The following EPHA5 variants were observed in gnomAD, a reference collection of about 807,000 sequenced individuals.
EPHA5 encodes EPH receptor A5.
Under a neutral mutation model 105.0 loss-of-function variants are expected in EPHA5, and 60 were observed. The ratio of observed to expected loss-of-function variants is 0.57; its 90% CI spans 0.46 to 0.71. EPHA5 has a LOEUF of 0.71. EPHA5 is among the 30% of genes least tolerant of loss of function. The probability of loss-of-function intolerance (pLI) is 0.00; values close to 1 mark genes in which losing one functional copy is unlikely to be tolerated. For missense variants in EPHA5, 1,218 were observed against 1,274.7 expected, an observed-to-expected ratio of 0.96 and a Z score of 0.68; for synonymous variants, 513 against 449.1, an observed-to-expected ratio of 1.14 and a Z score of -1.80.
chr4:65,578,271 T>C (rs1217507312), intron 3 of EPHA5, among the ~76,000 whole-genome samples: 1 of 152,122 alleles, frequency 6.6e-6, no homozygotes, highest in African/African-American at 2.4e-5. Context: ...ATACAAGACA[T>C]AACAGTAGGC....
In EPHA5 at chr4:65,544,538, T is replaced by A. The variant is rs538601248; in HGVS notation, c.911-48995A>T. On this transcript the variant is annotated intron_variant, in intron 3 of 16. Coordinates refer to ENST00000613740, the MANE Select transcript of EPHA5 (RefSeq NM_001281766.3). ...AAAGCCACAATGAGATACCATCTCA[T>A]TCCAGTCAGAATGGCAATTATTAAA... is the stretch of plus-strand genomic sequence containing the variant. 2.6e-5 allele frequency among the ~76,000 whole-genome samples: 4 copies of A among 151,928 alleles called. No homozygotes were observed. The East Asian group carries it at 7.7e-4, about 29-fold the overall frequency.
intron 2 of EPHA5, among the ~76,000 whole-genome samples, chr4:65,610,803 A>G (rs1324882657): frequency 2.6e-5 from 4 of 152,182 alleles, no homozygotes; most frequent in Non-Finnish European, 5.9e-5. Context: ...ATTTTAAAAG[A>G]TGCAAATAAC....
At chr4:65,520,933 T>C (rs1229033838) in intron 3 of EPHA5, among the ~76,000 whole-genome samples, 2 of 152,168 alleles carry the variant, frequency 1.3e-5, no homozygotes, top group Non-Finnish European at 2.9e-5. Flanking sequence ...GGTAGGACTG[T>C]AAACTGCTTC....
intron 5 of EPHA5, among the ~76,000 whole-genome samples, 194 bp downstream of exon 5, chr4:65,490,183 G>A (rs77288231): frequency 2.9e-4 from 44 of 152,190 alleles, no homozygotes; most frequent in Non-Finnish European, 5.9e-5. Context: ...TCCTGTAAAT[G>A]GGATTGCTAA....
chr4:65,458,563 T>G (rs995604888), intron 5 of EPHA5, among the ~76,000 whole-genome samples: 3 of 152,184 alleles, frequency 2.0e-5, no homozygotes, highest in Non-Finnish European at 4.4e-5. Context: ...TTCTTCTTAA[T>G]GTTCACATTA....
intron 3 of EPHA5, among the ~76,000 whole-genome samples, chr4:65,516,688 T>C (rs1266910658): frequency 2.0e-5 from 3 of 152,164 alleles, no homozygotes; most frequent in African/African-American, 7.2e-5. Flanking sequence ...TGCATATATA[T>C]TCTATAAGAC....
At chr4:65,565,368 A>C (rs1212562715) in intron 3 of EPHA5, among the ~76,000 whole-genome samples, 1 of 151,738 alleles carries the variant, frequency 6.6e-6, no homozygotes, top group Non-Finnish European at 1.5e-5. Flanking sequence ...GCCTTCACAA[A>C]GTATTTCATT....
chr4:65,408,797 C>G (rs952076154), intron 7 of EPHA5, among the ~76,000 whole-genome samples: 1 of 151,512 alleles, frequency 6.6e-6, no homozygotes, highest in African/African-American at 2.4e-5. Context: ...CCTCAGGGAT[C>G]TAGAACTAGA....
chr4:65,321,487 CT>C lies in EPHA5; in HGVS notation c.*2626del. 1 of 229,388 alleles carries C rather than the reference CT, an allele frequency of 4.4e-6. No homozygotes were observed. The highest frequency in any genetic ancestry group is 8.7e-6 in the Non-Finnish European group (1 of 115,588). 14.2% of individuals were successfully genotyped at this position (229,388 alleles called of 1,614,324 possible). ...ATATTTTAGGAAGGCATTCTTTCCT[CT>C]TTTTTAGGGAGAGTACTTGTTGTTT... On this transcript the variant is annotated 3_prime_UTR_variant, in exon 17 of 17. Coordinates refer to ENST00000613740, the MANE Select transcript of EPHA5 (RefSeq NM_001281766.3).
intron 7 of EPHA5, among the ~76,000 whole-genome samples, chr4:65,407,616 A>G (rs1409118826): frequency 6.6e-6 from 1 of 151,824 alleles, no homozygotes; most frequent in Non-Finnish European, 1.5e-5. Context: ...ATTTTTGTAT[A>G]AAAAGCAATC....
rs1030022396 is a variant in EPHA5, at chr4:65,322,423, G to T, written c.*1691C>A. The T allele has an allele frequency of 1.8e-5, 4 of 225,802 alleles. No homozygotes were observed. Among genetic ancestry groups the T allele is most frequent in the African/African-American group, 4.5e-5 (2 of 44,914 alleles). 14.0% of individuals were successfully genotyped at this position (225,802 alleles called of 1,614,324 possible). On this transcript the variant is annotated 3_prime_UTR_variant, in exon 17 of 17. Coordinates refer to ENST00000613740, the MANE Select transcript of EPHA5 (RefSeq NM_001281766.3). ...AAATTTCATTAATCCAGGCTTCTCT[G>T]ATCTACTGTACTATTAACATTGATA...
At chr4:65,547,974 C>T (rs1383847859) in intron 3 of EPHA5, among the ~76,000 whole-genome samples, 3 of 151,868 alleles carry the variant, frequency 2.0e-5, no homozygotes, top group South Asian at 2.1e-4. Flanking sequence ...CAAAAGAAAA[C>T]ATTTTCTGTA....
At chr4:65,491,536 T>G (rs1236404715) in intron 4 of EPHA5, among the ~76,000 whole-genome samples, 1 of 152,172 alleles carries the variant, frequency 6.6e-6, no homozygotes, top group African/African-American at 2.4e-5. Flanking sequence ...CACAAATATT[T>G]TCATAGAATC....
At position 65,543,876 on chromosome 4, in the gene EPHA5, A is replaced by G. The variant is rs185102227; in HGVS notation, c.911-48333T>C. Among the ~76,000 whole-genome samples, 21 of 152,200 alleles carry G rather than the reference A, an allele frequency of 1.4e-4. No homozygotes were observed. In the East Asian group the frequency reaches 4.1e-3, roughly 29 times the overall value. On this transcript the variant is annotated intron_variant, in intron 3 of 16. Coordinates refer to ENST00000613740, the MANE Select transcript of EPHA5 (RefSeq NM_001281766.3). The stretch of plus-strand genomic sequence containing the variant: ...GCATGGTACTGGTACCAAAACAGAT[A>G]TATAGACTAGTGGAACAGAACAGAG...
intron 2 of EPHA5, among the ~76,000 whole-genome samples, chr4:65,621,501 G>T (rs1745701482): frequency 1.3e-5 from 2 of 152,110 alleles, no homozygotes; most frequent in African/African-American, 4.8e-5. Flanking sequence ...ATCAAATTAT[G>T]AGCAGCAGAA....
intron 3 of EPHA5, among the ~76,000 whole-genome samples, chr4:65,526,993 G>A (rs1735299085): frequency 6.6e-6 from 1 of 151,974 alleles, no homozygotes; most frequent in Admixed American, 6.6e-5. Flanking sequence ...AAGTGTAAAT[G>A]TAGTTACCAT....
At chr4:65,553,572 G>A (rs1738121522) in intron 3 of EPHA5, among the ~76,000 whole-genome samples, 1 of 151,992 alleles carries the variant, frequency 6.6e-6, no homozygotes, top group South Asian at 2.1e-4. Flanking sequence ...TTTCCAGTCA[G>A]TTCATGCCTC....
At chr4:65,583,863 T>G (rs929347980) in intron 3 of EPHA5, among the ~76,000 whole-genome samples, 2 of 151,746 alleles carry the variant, frequency 1.3e-5, no homozygotes, top group Non-Finnish European at 3.0e-5. Flanking sequence ...AAAATAGGTA[T>G]ATATATTCTT....
At chr4:65,459,605 C>A (rs376094088) in intron 5 of EPHA5, among the ~76,000 whole-genome samples, 2 of 151,872 alleles carry the variant, frequency 1.3e-5, no homozygotes, top group East Asian at 1.9e-4. Flanking sequence ...TTTTTCTTCT[C>A]TTTTCTCACA....
Sources: allele counts gnomAD v4.1 joint callset (sites outside exome capture counted in the v4.1 genomes callset), GRCh38; gene constraint gnomAD v4.1.1; transcripts MANE v1.5; gene names NCBI Gene and HGNC (gene_info 2026-07-23, HGNC 2026-07-21).